GRIK5: variants seen among roughly 807,000 people sequenced by gnomAD.
GRIK5 encodes the protein glutamate ionotropic receptor kainate type subunit 5, also known as glutamate receptor ionotropic, kainate 5.
A neutral mutation model predicts 97.4 loss-of-function variants in GRIK5; 43 were observed. That is an observed-to-expected ratio of 0.44 (90% confidence interval 0.35 to 0.57). The LOEUF is 0.57. Ranked by LOEUF, GRIK5 falls within the 20% of genes least tolerant of loss-of-function variation. GRIK5 has a pLI of 0.01. For synonymous variants in GRIK5, 580 were observed against 583.5 expected (o/e 0.99, Z 0.09); for missense variants, 1,015 against 1,382.0 (o/e 0.73, Z 4.21).
intron 11 of GRIK5, among the ~76,000 whole-genome samples, chr19:42,045,004 G>C (rs1313370916): frequency 2.0e-5 from 3 of 152,164 alleles, no homozygotes; most frequent in Admixed American, 2.0e-4. Flanking sequence ...GCATTCTCTC[G>C]ATGACATTAT....
intron 12 of GRIK5, among the ~76,000 whole-genome samples, chr19:42,030,325 G>C (rs1296301180): frequency 6.6e-6 from 1 of 152,120 alleles, no homozygotes; most frequent in East Asian, 1.9e-4. Flanking sequence ...GGGATTAAAG[G>C]TGCGTGCCGC....
At chr19:42,055,797 C>T (rs1440250325) in intron 8 of GRIK5, among the ~76,000 whole-genome samples, 1 of 151,874 alleles carries the variant, frequency 6.6e-6, no homozygotes, top group Non-Finnish European at 1.5e-5. Context: ...ACTCTTGTGC[C>T]TCAGCCACCC....
intron 12 of GRIK5, among the ~76,000 whole-genome samples, chr19:42,027,907 G>A (rs2075791630): frequency 6.6e-6 from 1 of 152,138 alleles, no homozygotes; most frequent in South Asian, 2.1e-4. Context: ...ATGGCTCACT[G>A]CAGCCTCAAA....
intron 11 of GRIK5, among the ~76,000 whole-genome samples, chr19:42,047,184 A>T (rs891436637): frequency 3.3e-5 from 5 of 151,964 alleles, no homozygotes; most frequent in Non-Finnish European, 7.4e-5. Flanking sequence ...CACCATGCTC[A>T]GCCCCCTTCC....
intron 5 of GRIK5, among the ~76,000 whole-genome samples, chr19:42,059,950 C>T (rs989780886): frequency 1.3e-5 from 2 of 152,206 alleles, no homozygotes; most frequent in East Asian, 1.9e-4. Flanking sequence ...GATCCCCTCA[C>T]GCCGTGCCAC....
In GRIK5 at chr19:41,999,031, G is replaced by A. The variant is rs781842682; in HGVS notation, c.2783C>T (p.Thr928Ile). 8.1e-7 allele frequency: 1 copy of A among 1,236,254 alleles called. No individual in the cohort carries two copies. Among genetic ancestry groups the A allele is most frequent in the South Asian group, 2.8e-5 (1 of 35,510 alleles). 76.6% of individuals were successfully genotyped at this position (1,236,254 alleles called of 1,614,324 possible). The change falls in exon 20 of 20, where the codon ACC (threonine) becomes ATC (isoleucine). Residue 928 changes from threonine to isoleucine, a missense_variant. Thr to Ile is a moderately conservative substitution (Grantham distance 89). Transcript: ENST00000593562. The surrounding 1 kb of genome is among the most constrained non-coding windows in gnomAD (Gnocchi z 5.0). The part of the protein sequence containing the change: ...GARPAAPTPC[T>I]HVRVCQECRR... ...GCACTCCTGGCAGACGCGCACGTGGGTGCAGGGGGTGGGGGCGGCGGGTCG... is the reference window on the plus strand; with the variant it reads ...GCACTCCTGGCAGACGCGCACGTGGATGCAGGGGGTGGGGGCGGCGGGTCG...
In GRIK5 at chr19:42,062,313, G is replaced by T. The variant is rs2076269546; in HGVS notation, c.508+175C>A. ...TGGGGACTAAATGGATCTCTTTGGG[G>T]AGAGAAGGGGTCTGTAGAACCAGAG... is the stretch of plus-strand genomic sequence containing the variant. On this transcript the variant is annotated intron_variant, in intron 5 of 19. Transcript: ENST00000593562. The surrounding 1 kb of genome is among the most constrained non-coding windows in gnomAD (Gnocchi z 5.3). Among the ~76,000 whole-genome samples the T allele has an allele frequency of 6.6e-6, 1 of 152,116 alleles. No homozygotes were observed. Among genetic ancestry groups the T allele is most frequent in the Non-Finnish European group, 1.5e-5 (1 of 68,018 alleles).
chr19:42,018,012 C>A (rs1377179733), intron 15 of GRIK5, among the ~76,000 whole-genome samples: 1 of 151,842 alleles, frequency 6.6e-6, no homozygotes, highest in East Asian at 1.9e-4. Context: ...CAGAGTGAAA[C>A]CTTAGAAATA....
chr19:42,015,550 C>T (rs2075614182), intron 15 of GRIK5, among the ~76,000 whole-genome samples: 1 of 152,220 alleles, frequency 6.6e-6, no homozygotes, highest in African/African-American at 2.4e-5. Context: ...TGCTGCGTGA[C>T]CTTGGAAGTG....
Position 42,070,015 on chromosome 19 carries a change from C to G in GRIK5, c.-825G>C, listed in dbSNP as rs1179314037. 6.6e-6 allele frequency among the ~76,000 whole-genome samples: 1 copy of G among 151,960 alleles called. No individual in the cohort carries two copies. Among genetic ancestry groups the G allele is most frequent in the Non-Finnish European group, 1.5e-5 (1 of 67,940 alleles). On this transcript the variant is annotated 5_prime_UTR_variant, in exon 1 of 20. Transcript: ENST00000593562. ...GAGGGTGGGGTGTCCCAGGGGCTCCCGGTGCTGGGCCTCAGTGGGAGGGCC... is the reference window on the plus strand; with the variant it reads ...GAGGGTGGGGTGTCCCAGGGGCTCCGGGTGCTGGGCCTCAGTGGGAGGGCC...
intron 11 of GRIK5, among the ~76,000 whole-genome samples, chr19:42,046,720 A>G (rs1390351539): frequency 1.3e-5 from 2 of 152,342 alleles, no homozygotes; most frequent in South Asian, 2.1e-4. Flanking sequence ...AGAAAGAGCA[A>G]CGATGTGCTT....
chr19:42,001,478 C>T (rs1555870894), intron 19 of GRIK5, among the ~76,000 whole-genome samples: 1 of 152,218 alleles, frequency 6.6e-6, no homozygotes, highest in East Asian at 1.9e-4. Flanking sequence ...ATCTGCCCTC[C>T]TCAGCCTCCC....
At chr19:42,055,320 G>A (rs2076168428) in intron 8 of GRIK5, among the ~76,000 whole-genome samples, 1 of 152,216 alleles carries the variant, frequency 6.6e-6, no homozygotes, top group African/African-American at 2.4e-5. Context: ...ATGTCCCTGT[G>A]TGGACACATC....
chr19:42,019,982 T>G lies in GRIK5; in HGVS notation c.1871+1319A>C, dbSNP rs370169475. Among the ~76,000 whole-genome samples, 507 of 151,238 alleles carry G rather than the reference T, an allele frequency of 3.4e-3. 5 individuals are homozygous for G. Among genetic ancestry groups the G allele is most frequent in the African/African-American group, 0.011 (464 of 41,284 alleles). On this transcript the variant is annotated intron_variant, in intron 15 of 19. Transcript: ENST00000593562. ...AAACAGAGCTTTCATTGGGTTTTTTTGGGGGTTTTTTTTTTTTTTTTCATT... is the reference window on the plus strand; with the variant it reads ...AAACAGAGCTTTCATTGGGTTTTTTGGGGGGTTTTTTTTTTTTTTTTCATT...
intron 1 of GRIK5, chr19:42,068,681 T>G: frequency 9.3e-6 from 4 of 432,372 alleles, no homozygotes; most frequent in South Asian, 5.7e-5. Flanking sequence ...GGTGGAGGAG[T>G]TCTGACAGAG....
chr19:42,057,081 T>A, intron 6 of GRIK5, 103 bp from the exon 7 acceptor site: 1 of 834,452 alleles, frequency 1.2e-6, no homozygotes, highest in Non-Finnish European at 2.0e-6. Flanking sequence ...ACAGCCCTGG[T>A]GAGAAGACAC....
chr19:41,998,940 G>C lies in GRIK5; in HGVS notation c.2874C>G (p.Ala958=). 5.3e-6 allele frequency: 6 copies of C among 1,130,146 alleles called. No homozygotes were observed. The highest frequency in any genetic ancestry group is 6.5e-6 in the Non-Finnish European group (6 of 924,272). 70.0% of individuals were successfully genotyped at this position (1,130,146 alleles called of 1,614,324 possible). A position where few individuals can be genotyped will look rare whatever the true frequency, so the allele number is the denominator to read the frequency against. Residue 958 remains alanine (A), a synonymous_variant, in exon 20 of 20, where the codon GCC becomes GCG. Coordinates refer to ENST00000593562, the MANE Select transcript of GRIK5 (RefSeq NM_002088.5). ...GCGGCCGGGGCGGGCTGGTGGCTTC[G>C]GCGGGGACGCCCAGGCCACGCGGAG... The part of the protein sequence containing the change: ...GAPPRGLGVP[A]EATSPPRPRP...
intron 15 of GRIK5, among the ~76,000 whole-genome samples, chr19:42,014,483 T>C (rs2146034693): frequency 6.6e-6 from 1 of 152,142 alleles, no homozygotes; most frequent in African/African-American, 2.4e-5. Flanking sequence ...ATACACTGTT[T>C]ATAAGAAACA....
intron 15 of GRIK5, among the ~76,000 whole-genome samples, chr19:42,019,254 C>T (rs1268040346): frequency 2.0e-5 from 3 of 152,130 alleles, no homozygotes; most frequent in Admixed American, 2.0e-4. Context: ...ACCTCACACA[C>T]CTGGCCCTCT....
Sources: allele counts gnomAD v4.1 joint callset (sites outside exome capture counted in the v4.1 genomes callset), GRCh38; gene constraint gnomAD v4.1.1; non-coding constraint Gnocchi (gnomAD v3.1); transcripts MANE v1.5; gene names NCBI Gene and HGNC (gene_info 2026-07-23, HGNC 2026-07-21).